Variants in WHRN observed in about 807,000 individuals in gnomAD.
WHRN encodes CASK-interacting protein CIP98.
WHRN carries 41 observed loss-of-function variants against 68.3 expected under a neutral mutation model. The ratio of observed to expected loss-of-function variants is 0.60; its 90% CI spans 0.47 to 0.78. The LOEUF (loss-of-function observed/expected upper bound fraction) is 0.78. Among genes scored for constraint, WHRN ranks in the 30% least tolerant of loss-of-function variants. The pLI, the probability that WHRN is intolerant of heterozygous loss-of-function variation, is 0.00. For synonymous variants in WHRN, 560 were observed against 561.3 expected (o/e 1.00, Z 0.03); for missense variants, 1,243 against 1,244.7 (o/e 1.00, Z 0.02).
chr9:114,475,593 T>C (rs986227375), intron 2 of WHRN, among the ~76,000 whole-genome samples: 3 of 152,200 alleles, frequency 2.0e-5, no homozygotes, highest in Non-Finnish European at 4.4e-5. Flanking sequence ...ACTATTGCCC[T>C]GAGAACCCAC....
chr9:114,470,816 C>T lies in WHRN; in HGVS notation c.838-4424G>A, dbSNP rs960554111. 9.9e-5 allele frequency among the ~76,000 whole-genome samples: 15 copies of T among 152,020 alleles called. No individual in the cohort carries two copies. The East Asian group carries it at 1.2e-3, about 12-fold the overall frequency. ...CTTGGGTGACCTGCAGTCAGTCCCC[C>T]GCCCCACCCCACCCCGGGGCCCTTC... On this transcript the variant is annotated intron_variant, in intron 2 of 11. Transcript: ENST00000362057.
intron 1 of WHRN, among the ~76,000 whole-genome samples, chr9:114,487,909 T>C (rs1174346681): frequency 6.6e-6 from 1 of 152,246 alleles, no homozygotes; most frequent in African/African-American, 2.4e-5. Context: ...CACTCCTTCG[T>C]GCTTTCTTCC....
At chr9:114,453,578 T>C (rs1392347745) in intron 3 of WHRN, among the ~76,000 whole-genome samples, 1 of 151,992 alleles carries the variant, frequency 6.6e-6, no homozygotes, top group Non-Finnish European at 1.5e-5. Context: ...TCCTGACAGT[T>C]AAAAAAAACT....
Position 114,504,589 on chromosome 9 carries a change from G to A in WHRN, c.213C>T (p.Val71=). The change falls in exon 1 of 12, where the codon GTC becomes GTT. Residue 71 remains valine (V), a synonymous_variant. Coordinates refer to ENST00000362057, the MANE Select transcript of WHRN (RefSeq NM_015404.4). ...CGCGCAGGGTGCGCACCAGGTCGAA[G>A]ACGTTGCGGCGCGCGTGGTAAGCGT... ...CLNAYHARRN[V]FDLVRTLRVL... 6.2e-7 allele frequency: 1 copy of A among 1,611,492 alleles called. No homozygotes were observed. The highest frequency in any genetic ancestry group is 8.5e-7 in the Non-Finnish European group (1 of 1,179,608).
intron 2 of WHRN, among the ~76,000 whole-genome samples, chr9:114,469,430 T>TC (rs35670911): frequency 1.3e-5 from 2 of 152,044 alleles, no homozygotes; most frequent in African/African-American, 4.8e-5. Context: ...GGGACACTGC[T>TC]CCCCCTCCAG....
intron 3 of WHRN, among the ~76,000 whole-genome samples, chr9:114,431,928 C>G (rs917305331): frequency 1.3e-5 from 2 of 152,218 alleles, no homozygotes; most frequent in Non-Finnish European, 2.9e-5. Flanking sequence ...TATCCCTCCA[C>G]CAGAGCTCAC....
intron 2 of WHRN, among the ~76,000 whole-genome samples, chr9:114,476,744 G>A (rs865987379): frequency 6.6e-6 from 1 of 151,912 alleles, no homozygotes; most frequent in Non-Finnish European, 1.5e-5. Context: ...TTGCTGGCTG[G>A]GCTGTGGTTG....
At chr9:114,439,103 A>C (rs926082450) in intron 3 of WHRN, among the ~76,000 whole-genome samples, 4 of 152,114 alleles carry the variant, frequency 2.6e-5, no homozygotes, top group African/African-American at 4.8e-5. Context: ...AAACAGAGGA[A>C]TAAACCAAAA....
chr9:114,481,744 C>T (rs150671451), intron 1 of WHRN, among the ~76,000 whole-genome samples: 25 of 152,338 alleles, frequency 1.6e-4, no homozygotes, highest in South Asian at 1.0e-3. Context: ...GCTGACCAAA[C>T]GCCTACTGTG....
chr9:114,480,319 A>G (rs16929518), intron 1 of WHRN, among the ~76,000 whole-genome samples: 10,618 of 152,218 alleles, frequency 0.07, 1,241 homozygotes, highest in African/African-American at 0.24. Flanking sequence ...AACAATAAAC[A>G]TAGCCTGTGT....
intron 3 of WHRN, among the ~76,000 whole-genome samples, chr9:114,443,496 A>G (rs1026595193): frequency 2.6e-5 from 4 of 152,192 alleles, no homozygotes; most frequent in African/African-American, 7.2e-5. Flanking sequence ...CTTCTTATAC[A>G]GCCACCTCTC....
chr9:114,402,699 A>G lies in WHRN; in HGVS notation c.*55T>C. On this transcript the variant is annotated 3_prime_UTR_variant, in exon 12 of 12. Coordinates refer to ENST00000362057, the MANE Select transcript of WHRN (RefSeq NM_015404.4). ...AGGAGCTTGATGAAGCCAACGGTGG[A>G]AAGGGACTGGGACCAGGGGCTGGGC... is the stretch of plus-strand genomic sequence containing the variant. 6.2e-7 allele frequency: 1 copy of G among 1,609,044 alleles called. No individual in the cohort carries two copies.
intron 4 of WHRN, 58 bp downstream of exon 4, chr9:114,426,153 A>G: frequency 6.2e-7 from 1 of 1,608,518 alleles, no homozygotes; most frequent in Non-Finnish European, 8.5e-7. Context: ...GGCAGCTATC[A>G]CTGGCTTTCA....
intron 3 of WHRN, among the ~76,000 whole-genome samples, chr9:114,454,266 A>G (rs1045723361): frequency 2.6e-5 from 4 of 152,216 alleles, no homozygotes; most frequent in Non-Finnish European, 4.4e-5. Context: ...AGTCAGTGCA[A>G]TAAGTTAAGA....
Position 114,441,663 on chromosome 9 carries a change from A to G in WHRN, c.964-15250T>C, listed in dbSNP as rs531864011. On this transcript the variant is annotated intron_variant, in intron 3 of 11. Coordinates refer to ENST00000362057, the MANE Select transcript of WHRN (RefSeq NM_015404.4). The stretch of plus-strand genomic sequence containing the variant: ...TATCCAAATCTGGGACACTCTGAGT[A>G]TCAAAGTAAATAATGCCAATCATAA... Among the ~76,000 whole-genome samples, 5 of 152,392 alleles carry G rather than the reference A, an allele frequency of 3.3e-5. No individual in the cohort carries two copies. The East Asian group carries it at 9.6e-4, about 29-fold the overall frequency.
chr9:114,457,042 T>C (rs1277532395), intron 3 of WHRN, among the ~76,000 whole-genome samples: 1 of 152,194 alleles, frequency 6.6e-6, no homozygotes, highest in African/African-American at 2.4e-5. Flanking sequence ...ATACTGTGTA[T>C]GTATATACAC....
intron 3 of WHRN, among the ~76,000 whole-genome samples, chr9:114,427,423 GGTCAACTGA>G (rs1003849348): frequency 4.7e-4 from 72 of 152,168 alleles, no homozygotes; most frequent in African/African-American, 1.4e-3. Flanking sequence ...TTCACAAATG[GGTCAACTGA>G]GGTCCAAGGA....
intron 1 of WHRN, among the ~76,000 whole-genome samples, chr9:114,496,216 G>C (rs889991186): frequency 2.6e-5 from 4 of 152,124 alleles, no homozygotes; most frequent in Non-Finnish European, 4.4e-5. Context: ...GCTGATCCAG[G>C]GGACAATGCT....
At chr9:114,436,081 G>A (rs1837824384) in intron 3 of WHRN, among the ~76,000 whole-genome samples, 2 of 152,248 alleles carry the variant, frequency 1.3e-5, no homozygotes, top group South Asian at 2.1e-4. Flanking sequence ...AAATGCACAG[G>A]GAAAAGCCTT....
Sources: gnomAD v4.1 joint callset for allele counts (sites outside exome capture counted in the v4.1 genomes callset) on GRCh38, gnomAD v4.1.1 for gene constraint, MANE v1.5 for transcripts, NCBI Gene and HGNC (gene_info 2026-07-23, HGNC 2026-07-21) for gene names.